DLGAP2: variants seen among roughly 807,000 people sequenced by gnomAD.
DLGAP2 encodes disks large-associated protein 2.
Under a neutral mutation model 100.3 loss-of-function variants are expected in DLGAP2, and 26 were observed. The observed-to-expected ratio is 0.26, with a 90% CI of 0.19 to 0.36. The LOEUF is 0.36. Ranked by LOEUF, DLGAP2 falls within the 10% of genes least tolerant of loss-of-function variation. The probability of loss-of-function intolerance (pLI) is 1.00; values close to 1 mark genes in which losing one functional copy is unlikely to be tolerated. For synonymous variants in DLGAP2, 886 were observed against 630.1 expected (o/e 1.41, Z -6.08); for missense variants, 1,858 against 1,453.2 (o/e 1.28, Z -4.53).
chr8:1,323,052 A>G (rs1422739891), intron 3 of DLGAP2, among the ~76,000 whole-genome samples: 1 of 147,862 alleles, frequency 6.8e-6, no homozygotes, highest in Non-Finnish European at 1.5e-5. Context: ...TTTTTTTGAG[A>G]CAGAGTCTCG....
intron 2 of DLGAP2, among the ~76,000 whole-genome samples, chr8:1,222,471 T>C (rs1229429528): frequency 6.6e-6 from 1 of 152,126 alleles, no homozygotes; most frequent in Non-Finnish European, 1.5e-5. Context: ...GGCCAAGGTG[T>C]TCTCAGTCCA....
intron 6 of DLGAP2, among the ~76,000 whole-genome samples, chr8:1,580,995 C>A (rs1320705033): frequency 2.0e-5 from 3 of 150,368 alleles, no homozygotes; most frequent in Admixed American, 6.7e-5. Flanking sequence ...GTGAAGGATA[C>A]AGACAAAACC....
At chr8:1,389,884 T>C (rs1241826390) in intron 3 of DLGAP2, among the ~76,000 whole-genome samples, 1 of 151,996 alleles carries the variant, frequency 6.6e-6, no homozygotes, top group Non-Finnish European at 1.5e-5. Flanking sequence ...ACAACAGTGA[T>C]TGCTGAAAAA....
At position 993,758 on chromosome 8, in the gene DLGAP2, TTAAGACACCATGCAA is replaced by T. The variant is rs1310013445; in HGVS notation, c.73+85793_73+85807del. Among the ~76,000 whole-genome samples the T allele has an allele frequency of 2.0e-5, 3 of 150,570 alleles. No homozygotes were observed. In the East Asian group the frequency reaches 5.9e-4, roughly 29 times the overall value. ...AGGAGCAGTTCTCTAGATGCAGACT[TTAAGACACCATGCAA>T]GCAAACTGATTGGCTTTTTTTTTTT... is the stretch of plus-strand genomic sequence containing the variant. On this transcript the variant is annotated intron_variant, in intron 2 of 14. Transcript: ENST00000637795.
chr8:795,653 C>A (rs1328520468), intron 1 of DLGAP2, among the ~76,000 whole-genome samples: 4 of 134,070 alleles, frequency 3.0e-5, no homozygotes, highest in Non-Finnish European at 5.1e-5. Flanking sequence ...GAGCAGGCGT[C>A]CAGTGAGAGC....
chr8:856,781 G>T (rs996555769), intron 1 of DLGAP2, among the ~76,000 whole-genome samples: 8 of 152,252 alleles, frequency 5.3e-5, no homozygotes, highest in African/African-American at 1.9e-4. Context: ...AATCCGTGCT[G>T]TTGAGATATC....
At chr8:760,513 T>C (rs1821053885) in intron 1 of DLGAP2, among the ~76,000 whole-genome samples, 1 of 152,212 alleles carries the variant, frequency 6.6e-6, no homozygotes, top group African/African-American at 2.4e-5. Context: ...AAAGTTTGGT[T>C]GGGTATAGAA....
intron 2 of DLGAP2, among the ~76,000 whole-genome samples, chr8:1,093,204 CT>C (rs1160499868): frequency 1.3e-5 from 2 of 152,206 alleles, no homozygotes; most frequent in Non-Finnish European, 2.9e-5. Flanking sequence ...TTAATCCCTT[CT>C]AAAAAACACC....
At chr8:1,068,079 C>A (rs1803312795) in intron 2 of DLGAP2, among the ~76,000 whole-genome samples, 1 of 152,168 alleles carries the variant, frequency 6.6e-6, no homozygotes, top group Non-Finnish European at 1.5e-5. Context: ...TTCAAATGGG[C>A]TTCGTTCACT....
At chr8:1,318,916 A>G (rs1361778414) in intron 3 of DLGAP2, among the ~76,000 whole-genome samples, 4 of 151,826 alleles carry the variant, frequency 2.6e-5, no homozygotes, top group Admixed American at 6.6e-5. Context: ...CATAGATTTT[A>G]GGATTAACTC....
chr8:1,684,042 C>T (rs1312403821), intron 12 of DLGAP2, among the ~76,000 whole-genome samples: 3 of 145,714 alleles, frequency 2.1e-5, no homozygotes, highest in African/African-American at 7.7e-5. Context: ...AGCGCAGTGG[C>T]GCGATCTCAG....
At chr8:900,771 T>C (rs1798236731) in intron 1 of DLGAP2, among the ~76,000 whole-genome samples, 1 of 151,994 alleles carries the variant, frequency 6.6e-6, no homozygotes, top group Admixed American at 6.5e-5. Flanking sequence ...AGATATTCAC[T>C]GAAGGATTGG....
At chr8:780,062 G>T (rs1177812269) in intron 1 of DLGAP2, among the ~76,000 whole-genome samples, 1 of 152,066 alleles carries the variant, frequency 6.6e-6, no homozygotes, top group Non-Finnish European at 1.5e-5. Flanking sequence ...ATTATTATTA[G>T]CTGTGTTTGC....
chr8:1,304,944 T>C (rs1008116374), intron 3 of DLGAP2, among the ~76,000 whole-genome samples: 1 of 152,214 alleles, frequency 6.6e-6, no homozygotes, highest in Non-Finnish European at 1.5e-5. Context: ...TAATCATATA[T>C]ATACCCAGCT....
At chr8:1,243,981 G>C (rs1563276412) in intron 2 of DLGAP2, among the ~76,000 whole-genome samples, 1 of 152,028 alleles carries the variant, frequency 6.6e-6, no homozygotes, top group Non-Finnish European at 1.5e-5. Context: ...CTCCACCATA[G>C]GGATGGTGAG....
Position 1,326,562 on chromosome 8 carries a change from C to T in DLGAP2, c.106+67679C>T, listed in dbSNP as rs139681621. Among the ~76,000 whole-genome samples, 220 of 151,698 alleles carry T rather than the reference C, an allele frequency of 1.5e-3. 1 individual carries two copies. The highest frequency in any genetic ancestry group is 5.1e-3 in the African/African-American group (211 of 41,376). ...TGTCTTTCAGGACATGGCACGCACT[C>T]GGTCTCAGTCCGGGCTTGTCACTCA... is the stretch of plus-strand genomic sequence containing the variant. On this transcript the variant is annotated intron_variant, in intron 3 of 14. Coordinates refer to ENST00000637795, the MANE Select transcript of DLGAP2 (RefSeq NM_001346810.2).
intron 3 of DLGAP2, among the ~76,000 whole-genome samples, chr8:1,413,189 C>T (rs1796782760): frequency 6.6e-6 from 1 of 152,192 alleles, no homozygotes; most frequent in South Asian, 2.1e-4. Flanking sequence ...TGTCTCCCTC[C>T]TCTCTGTAGC....
At chr8:1,519,185 T>G (rs1055989299) in intron 4 of DLGAP2, among the ~76,000 whole-genome samples, 1 of 152,158 alleles carries the variant, frequency 6.6e-6, no homozygotes, top group Non-Finnish European at 1.5e-5. Flanking sequence ...AGAAGGGGCT[T>G]CTGGAAAATG....
chr8:881,600 A>C (rs1797794292), intron 1 of DLGAP2, among the ~76,000 whole-genome samples: 1 of 145,878 alleles, frequency 6.9e-6, no homozygotes, highest in Admixed American at 7.0e-5. Context: ...CCTGGGTTCA[A>C]GCAGTTCTCC....
Sources: gnomAD v4.1 joint callset for allele counts (sites outside exome capture counted in the v4.1 genomes callset) on GRCh38, gnomAD v4.1.1 for gene constraint, MANE v1.5 for transcripts, NCBI Gene and HGNC (gene_info 2026-07-23, HGNC 2026-07-21) for gene names.